GPATCH8: variants seen among roughly 807,000 people sequenced by gnomAD.
The protein encoded by GPATCH8 is G-patch domain containing 8.
In GPATCH8, 18 loss-of-function variants were observed where a neutral mutation model predicts 118.3. The ratio of observed to expected loss-of-function variants is 0.15; its 90% CI spans 0.11 to 0.23. The LOEUF (loss-of-function observed/expected upper bound fraction) is 0.23. GPATCH8 is among the 10% of genes least tolerant of loss of function. GPATCH8 has a pLI of 1.00. For synonymous variants in GPATCH8, 659 were observed against 684.7 expected (o/e 0.96, Z 0.59); for missense variants, 1,631 against 1,873.8 (o/e 0.87, Z 2.39).
At chr17:44,422,490 T>A (rs1461375264) in intron 6 of GPATCH8, among the ~76,000 whole-genome samples, 1 of 151,570 alleles carries the variant, frequency 6.6e-6, no homozygotes, top group East Asian at 1.9e-4. Context: ...GTGCCTAGCC[T>A]AAAATTTTTT....
At chr17:44,496,762 C>T (rs1969693807) in intron 1 of GPATCH8, among the ~76,000 whole-genome samples, 1 of 152,162 alleles carries the variant, frequency 6.6e-6, no homozygotes, top group Admixed American at 6.5e-5. Context: ...GAATAAAATA[C>T]TAAACATATT....
chr17:44,485,111 A>T (rs1191523840), intron 1 of GPATCH8, among the ~76,000 whole-genome samples: 1 of 151,366 alleles, frequency 6.6e-6, no homozygotes, highest in Non-Finnish European at 1.5e-5. Context: ...CACCATGCCA[A>T]GCCTGTTTTT....
At chr17:44,477,142 TA>T (rs1464420346) in intron 1 of GPATCH8, among the ~76,000 whole-genome samples, 2 of 152,340 alleles carry the variant, frequency 1.3e-5, no homozygotes, top group Non-Finnish European at 2.9e-5. Context: ...TCTAATTCAA[TA>T]AATAAAATCT....
intron 5 of GPATCH8, among the ~76,000 whole-genome samples, chr17:44,433,085 C>T (rs1251529238): frequency 6.6e-6 from 1 of 151,924 alleles, no homozygotes; most frequent in African/African-American, 2.4e-5. Context: ...TGGGCTCAAG[C>T]AATCCTCCCA....
chr17:44,491,051 A>C (rs1479285180), intron 1 of GPATCH8, among the ~76,000 whole-genome samples: 1 of 152,208 alleles, frequency 6.6e-6, no homozygotes. Flanking sequence ...AAATTAGTAG[A>C]GACAAATTAG....
At chr17:44,486,878 G>A (rs1276223287) in intron 1 of GPATCH8, 1 of 152,096 alleles carries the variant, frequency 6.6e-6, no homozygotes, top group Non-Finnish European at 1.5e-5. Context: ...ATTACTTTCA[G>A]ATAGACAGAC....
At chr17:44,410,817 A>G (rs373065795) in intron 6 of GPATCH8, among the ~76,000 whole-genome samples, 53 of 152,340 alleles carry the variant, frequency 3.5e-4, no homozygotes, top group African/African-American at 1.2e-3. Context: ...TACACCTTCC[A>G]GAAGACCAGT....
At chr17:44,489,461 C>T (rs1234400809) in intron 1 of GPATCH8, among the ~76,000 whole-genome samples, 1 of 151,992 alleles carries the variant, frequency 6.6e-6, no homozygotes, top group African/African-American at 2.4e-5. Flanking sequence ...CCACCTTAGC[C>T]TCCCAAGTAG....
At chr17:44,460,982 T>G (rs189120067) in intron 3 of GPATCH8, among the ~76,000 whole-genome samples, 32 of 152,312 alleles carry the variant, frequency 2.1e-4, no homozygotes, top group African/African-American at 7.0e-4. Context: ...AAACAGTCAG[T>G]TATGAAACAA....
chr17:44,483,827 TG>T (rs1172808139), intron 1 of GPATCH8, among the ~76,000 whole-genome samples: 2 of 137,000 alleles, frequency 1.5e-5, no homozygotes, highest in Non-Finnish European at 3.2e-5. Context: ...TGGTTGTTTT[TG>T]TTGTTGTTGT....
rs2050660585 is a variant in GPATCH8 at position 44,440,742 on chromosome 17, A to G, written c.194-4197T>C. 2.0e-5 allele frequency among the ~76,000 whole-genome samples: 3 copies of G among 152,374 alleles called. No individual in the cohort carries two copies. In the South Asian group the frequency reaches 6.2e-4, roughly 32 times the overall value. ...TCACAGCCACTCTGTCATTGAGAAC[A>G]ATCCCTCAGGAATCAGTTCTGATTT... On this transcript the variant is annotated intron_variant, in intron 3 of 7. Coordinates refer to ENST00000591680, the MANE Select transcript of GPATCH8 (RefSeq NM_001002909.4).
intron 5 of GPATCH8, among the ~76,000 whole-genome samples, chr17:44,431,110 C>T (rs940186534): frequency 1.3e-5 from 2 of 151,708 alleles, no homozygotes; most frequent in Admixed American, 6.6e-5. Flanking sequence ...GTGGCTCACG[C>T]CTGTAATCCC....
intron 7 of GPATCH8, 47 bp downstream of exon 7, chr17:44,405,874 A>T: frequency 7.7e-7 from 1 of 1,301,248 alleles, no homozygotes; most frequent in Non-Finnish European, 1.1e-6. Flanking sequence ...TTAAAATTTT[A>T]AGGATTATAA....
Position 44,397,980 on chromosome 17 carries a change from G to T in GPATCH8, c.4097C>A (p.Thr1366Lys). 1 of 1,614,150 alleles carries T rather than the reference G, an allele frequency of 6.2e-7. No homozygotes were observed. The highest frequency in any genetic ancestry group is 8.5e-7 in the Non-Finnish European group (1 of 1,179,978). The change falls in exon 8 of 8, where the codon ACA (threonine) becomes AAA (lysine). Residue 1366 changes from threonine (T) to lysine (K), a missense_variant. Physicochemically the swap from Thr to Lys is moderately conservative, Grantham distance 78. Transcript: ENST00000591680. The stretch of plus-strand genomic sequence containing the variant: ...AGTTGTGATGGAGGTGGCAGAGGCT[G>T]TAGCTGGCTGCTGAATGTGGATGGG... ...LQPIHIQQPA[T>K]ASATSITTVQ...
chr17:44,455,375 C>G (rs966218020), intron 3 of GPATCH8, among the ~76,000 whole-genome samples: 5 of 152,084 alleles, frequency 3.3e-5, no homozygotes, highest in Admixed American at 2.6e-4. Flanking sequence ...GTGGCACATG[C>G]CTGTAATCCC....
intron 3 of GPATCH8, among the ~76,000 whole-genome samples, chr17:44,460,573 T>C (rs1361115585): frequency 6.6e-6 from 1 of 152,140 alleles, no homozygotes; most frequent in African/African-American, 2.4e-5. Flanking sequence ...GCAAAAGCCT[T>C]GCATGGGTCA....
chr17:44,479,134 A>G (rs550184036), intron 1 of GPATCH8, among the ~76,000 whole-genome samples: 1 of 152,374 alleles, frequency 6.6e-6, no homozygotes, highest in South Asian at 2.1e-4. Flanking sequence ...ACTACCAAGT[A>G]AGTCTACAAA....
rs1286915867 is a variant in GPATCH8, at chr17:44,396,004, G to A, written c.*1564C>T. On this transcript the variant is annotated 3_prime_UTR_variant, in exon 8 of 8. Transcript: ENST00000591680. ...AGAAAAGAAACAAGGAACGTTTACTGTCTAAACTGAGCTGGGCAGAGGGCA... is the reference window on the plus strand; with the variant it reads ...AGAAAAGAAACAAGGAACGTTTACTATCTAAACTGAGCTGGGCAGAGGGCA... 1 of 454,460 alleles carries A rather than the reference G, an allele frequency of 2.2e-6. No individual in the cohort carries two copies. The highest frequency in any genetic ancestry group is 2.3e-5 in the Admixed American group (1 of 42,564). The allele number at this position is 454,460 out of a possible 1,614,324, so 28.2% of individuals were successfully genotyped here.
At position 44,400,865 on chromosome 17, in the gene GPATCH8, T is replaced by C; in HGVS notation, c.1212A>G (p.Val404=). 1 of 1,614,074 alleles carries C rather than the reference T, an allele frequency of 6.2e-7. No individual in the cohort carries two copies. The highest frequency in any genetic ancestry group is 8.5e-7 in the Non-Finnish European group (1 of 1,179,894). The change falls in exon 8 of 8, where the codon GTA becomes GTG. Residue 404 remains valine (V), a synonymous_variant. Transcript: ENST00000591680. Reference sequence around the variant, plus strand: ...AAAGTAGAAAGGGAAAATTAGGTTTTACTTTGCAGTGTGCTGGGGGGATGT... The same window carrying C: ...AAAGTAGAAAGGGAAAATTAGGTTTCACTTTGCAGTGTGCTGGGGGGATGT... ...YHYIPPAHCK[V]KPNFPFLLFM... is the part of the protein sequence containing the mutation.
Sources: gnomAD v4.1 joint callset for allele counts (sites outside exome capture counted in the v4.1 genomes callset) on GRCh38, gnomAD v4.1.1 for gene constraint, MANE v1.5 for transcripts, NCBI Gene and HGNC (gene_info 2026-07-23, HGNC 2026-07-21) for gene names.